Variants in GIPR observed in about 807,000 individuals in gnomAD.
The protein encoded by GIPR is gastric inhibitory polypeptide receptor.
GIPR carries 74 observed loss-of-function variants against 62.2 expected under a neutral mutation model. The ratio of observed to expected loss-of-function variants is 1.19; its 90% confidence interval spans 0.99 to 1.44. The LOEUF (loss-of-function observed/expected upper bound fraction) is 1.44. Ranked by LOEUF, GIPR falls within the 40% of genes most tolerant of loss-of-function variation. The pLI, the probability that GIPR is intolerant of heterozygous loss-of-function variation, is 0.00. For synonymous variants in GIPR, 256 were observed against 262.2 expected, an observed-to-expected ratio of 0.98 and a Z score of 0.23; for missense variants, 664 against 611.8, an observed-to-expected ratio of 1.09 and a Z score of -0.90.
rs10469294 is a variant in GIPR at position 45,682,424 on chromosome 19, T to C, written c.*489T>C. The C allele has an allele frequency of 0.058, 9,162 of 156,992 alleles. 949 individuals are homozygous for C. The highest frequency in any genetic ancestry group is 0.21 in the African/African-American group (8,717 of 41,538). The allele number at this position is 156,992 out of a possible 1,614,324, so 9.7% of individuals were successfully genotyped here. A position where few individuals can be genotyped will look rare whatever the true frequency, so the allele number is the denominator to read the frequency against. On this transcript the variant is annotated 3_prime_UTR_variant, in exon 14 of 14. Coordinates refer to ENST00000590918, the MANE Select transcript of GIPR (RefSeq NM_000164.4). ...CATTGGAGATTCTTAGGAGTGTCTC[T>C]TGGGGGTAATATTTTATTTTTTAAA...
rs757704281 is a variant in GIPR, at chr19:45,678,158, G to A, written c.1084G>A (p.Glu362Lys). ...CGAGGTGGTGTTTGCTCCCGTGACA[G>A]AGGAACAGGCCCGGGGCGCCCTGCG... ...VHEVVFAPVT[E>K]EQARGALRFA... The change falls in exon 12 of 14, where the codon GAG becomes AAG. Residue 362 changes from glutamate (E) to lysine (K), a missense_variant. By Grantham distance (56) the Glu-to-Lys change is moderately conservative. Transcript: ENST00000590918. The A allele has an allele frequency of 7.5e-6, 12 of 1,608,872 alleles. No individual in the cohort carries two copies. In the African/African-American group the frequency reaches 1.1e-4, roughly 14 times the overall value.
In GIPR at chr19:45,677,995, G is replaced by T; in HGVS notation, c.1013+1G>T. On this transcript the variant is annotated splice_donor_variant, in intron 11 of 13. Transcript: ENST00000590918. LOFTEE classifies it high-confidence loss of function. ...TGCGCTGCCGGGATTACCGGCTGAG[G>T]TGAGGGCATGCGTTGGGGACCGAGG... 1.2e-6 allele frequency: 2 copies of T among 1,613,592 alleles called. No individual in the cohort carries two copies. Among genetic ancestry groups the T allele is most frequent in the Non-Finnish European group, 1.7e-6 (2 of 1,180,028 alleles).
At position 45,677,348 on chromosome 19, in the gene GIPR, C is replaced by G. The variant is rs1600307906; in HGVS notation, c.819C>G (p.Pro273=). The G allele has an allele frequency of 6.2e-7, 1 of 1,601,618 alleles. No individual in the cohort carries two copies. The highest frequency in any genetic ancestry group is 2.2e-5 in the East Asian group (1 of 44,670). The part of the protein sequence containing the change: ...GWGAPALFVI[P]WVIVRYLYEN... ...GGGCCCCCGCGCTTTTCGTCATTCC[C>G]TGGGTGATCGTCAGGTACCTGTACG... Residue 273 remains proline, a synonymous_variant, in exon 9 of 14, where the codon CCC becomes CCG. Coordinates refer to ENST00000590918, the MANE Select transcript of GIPR (RefSeq NM_000164.4).
In GIPR at chr19:45,677,010, C is replaced by G; in HGVS notation, c.695C>G (p.Thr232Arg). The G allele has an allele frequency of 6.2e-7, 1 of 1,613,976 alleles. No individual in the cohort carries two copies. The highest frequency in any genetic ancestry group is 8.5e-7 in the Non-Finnish European group (1 of 1,179,880). The change falls in exon 8 of 14, where the codon ACG (threonine) becomes AGG (arginine). Residue 232 changes from threonine (T) to arginine (R), a missense_variant. By Grantham distance (71) the Thr-to-Arg change is moderately conservative (BLOSUM62 -1). Transcript: ENST00000590918. ...CAGTACTGCGTGGGTGCCAACTACACGTGGCTGCTGGTGGAGGGCGTCTAC... is the reference window on the plus strand; with the variant it reads ...CAGTACTGCGTGGGTGCCAACTACAGGTGGCTGCTGGTGGAGGGCGTCTAC... ...VTQYCVGANY[T>R]WLLVEGVYLH...
Position 45,674,811 on chromosome 19 carries a change from T to C in GIPR, c.618T>C (p.Leu206=). ...GCCCCTACCTTGGGGACCAGGCCCT[T>C]GCGCTGTGGAACCAGGTGGGCATCC... ...RPGPYLGDQA[L]ALWNQALAAC... is the part of the protein sequence containing the mutation. The change falls in exon 7 of 14, where the codon CTT becomes CTC. Residue 206 remains leucine (L), a synonymous_variant. Coordinates refer to ENST00000590918, the MANE Select transcript of GIPR (RefSeq NM_000164.4). 1 of 1,613,888 alleles carries C rather than the reference T, an allele frequency of 6.2e-7. No individual in the cohort carries two copies.
rs536801405 is a variant in GIPR, at chr19:45,677,065, C to A, written c.750C>A (p.Gly250=). The change falls in exon 8 of 14, where the codon GGC becomes GGA. Residue 250 remains glycine (G), a synonymous_variant. Transcript: ENST00000590918. ...ACAGTCTCCTGGTGCTCGTGGGAGG[C>A]TCCGAGGAGGGCCACTTCCGCTACT... ...YLHSLLVLVG[G]SEEGHFRYYL... is the part of the protein sequence containing the mutation. 7.4e-6 allele frequency: 12 copies of A among 1,614,026 alleles called. No individual in the cohort carries two copies. In the African/African-American group the frequency reaches 1.5e-4, roughly 20 times the overall value.
At chr19:45,679,282 C>T (rs888141771) in intron 12 of GIPR, among the ~76,000 whole-genome samples, 1 of 151,982 alleles carries the variant, frequency 6.6e-6, no homozygotes, top group Non-Finnish European at 1.5e-5. Context: ...GAGTTCAAGA[C>T]CAGCCTGACC....
intron 9 of GIPR, 46 bp from the exon 10 acceptor site, chr19:45,677,664 G>GCACC: frequency 6.9e-7 from 1 of 1,442,242 alleles, no homozygotes; most frequent in Middle Eastern, 1.8e-4. Context: ...GGTGATCGGT[G>GCACC]AGTCTAGAGT....
Position 45,671,392 on chromosome 19 carries a change from G to A in GIPR, c.280G>A (p.Val94Met), listed in dbSNP as rs1439493776. ...CTGGTACCTGCCCTGGCACCACCAT[G>A]GTGAGGTGCTCCCTGGGCCCGGAGC... ...CPWYLPWHHH[V>M]AAGFVLRQCG... is the part of the protein sequence containing the mutation. The change falls in exon 4 of 14, where the codon GTG (valine) becomes ATG (methionine). Residue 94 changes from valine to methionine, a missense_variant and splice_region_variant. Transcript: ENST00000590918. 6.3e-7 allele frequency: 1 copy of A among 1,590,076 alleles called. No homozygotes were observed. The highest frequency in any genetic ancestry group is 8.6e-7 in the Non-Finnish European group (1 of 1,161,624).
rs1402705744 is a variant in GIPR at position 45,683,479 on chromosome 19, AC to A, written c.*1547del. On this transcript the variant is annotated 3_prime_UTR_variant, in exon 14 of 14. Coordinates refer to ENST00000590918, the MANE Select transcript of GIPR (RefSeq NM_000164.4). ...TTGTGGCTGGACCACCTGTACATACACCCACAAGACCCTCACCCCTAAATCC... is the reference window on the plus strand; with the variant it reads ...TTGTGGCTGGACCACCTGTACATACACCACAAGACCCTCACCCCTAAATCC... 1 of 152,104 alleles carries A rather than the reference AC, an allele frequency of 6.6e-6. No homozygotes were observed. The highest frequency in any genetic ancestry group is 1.5e-5 in the Non-Finnish European group (1 of 68,068). 9.4% of individuals were successfully genotyped at this position (152,104 alleles called of 1,614,324 possible). A position where few individuals can be genotyped will look rare whatever the true frequency, so the allele number is the denominator to read the frequency against.
chr19:45,678,250 T>G (rs1322174116), intron 12 of GIPR, 24 bp downstream of exon 12: 2 of 1,546,746 alleles, frequency 1.3e-6, no homozygotes, highest in South Asian at 2.4e-5. Flanking sequence ...GTGCAGGGGC[T>G]CCATCCTTCC....
At chr19:45,671,219 C>A in intron 3 of GIPR, 66 bp from the exon 4 acceptor site, 1 of 910,572 alleles carries the variant, frequency 1.1e-6, no homozygotes, top group Non-Finnish European at 1.8e-6. Context: ...TGGCCCACTG[C>A]GCAGTAGCAC....
chr19:45,677,369 G>T lies in GIPR; in HGVS notation c.840G>T (p.Leu280=), dbSNP rs1214129609. The part of the protein sequence containing the change: ...FVIPWVIVRY[L]YENTQCWERN... Reference sequence around the variant, plus strand: ...TTCCCTGGGTGATCGTCAGGTACCTGTACGAGAACACGCAGTGAGTTGCAG... The same window carrying T: ...TTCCCTGGGTGATCGTCAGGTACCTTTACGAGAACACGCAGTGAGTTGCAG... The change falls in exon 9 of 14, where the codon CTG becomes CTT. Residue 280 remains leucine, a synonymous_variant. Coordinates refer to ENST00000590918, the MANE Select transcript of GIPR (RefSeq NM_000164.4). The T allele has an allele frequency of 6.3e-7, 1 of 1,597,138 alleles. No homozygotes were observed. Among genetic ancestry groups the T allele is most frequent in the Admixed American group, 1.7e-5 (1 of 59,732 alleles).
intron 6 of GIPR, 103 bp from the exon 7 acceptor site, chr19:45,674,579 C>T: frequency 9.6e-7 from 1 of 1,039,508 alleles, no homozygotes; most frequent in Admixed American, 1.8e-5. Flanking sequence ...TGCATTCTAG[C>T]CTGGGTGACA....
chr19:45,680,115 G>A lies in GIPR; in HGVS notation c.1153-1489G>A, dbSNP rs562667312. Among the ~76,000 whole-genome samples, 9 of 152,270 alleles carry A rather than the reference G, an allele frequency of 5.9e-5. No homozygotes were observed. The South Asian group carries it at 6.2e-4, about 11-fold the overall frequency. ...AAATAAAAAATTAGCTGCCGGGCGC[G>A]GTGCCTCATGTCTGTAATCTCAGCA... On this transcript the variant is annotated intron_variant, in intron 12 of 13. Transcript: ENST00000590918.
At chr19:45,674,598 C>T (rs1975732731) in intron 6 of GIPR, 84 bp from the exon 7 acceptor site, 2 of 1,261,344 alleles carry the variant, frequency 1.6e-6, no homozygotes, top group African/African-American at 1.5e-5. Context: ...CAGAGTGAGA[C>T]CCTGTTTAAA....
chr19:45,681,499 A>AAAACAAAC lies in GIPR; in HGVS notation c.1153-85_1153-78dup, dbSNP rs149092660. ...AACAAGAGCAATATTCCGACTCTTA[A>AAAACAAAC]AAACAAACAAACAAACAAACAAACA... On this transcript the variant is annotated intron_variant, in intron 12 of 13. Coordinates refer to ENST00000590918, the MANE Select transcript of GIPR (RefSeq NM_000164.4). The AAAACAAAC allele has an allele frequency of 6.4e-4, 630 of 987,396 alleles. 8 individuals are homozygous for AAAACAAAC. Among genetic ancestry groups the AAAACAAAC allele is most frequent in the South Asian group, 4.5e-3 (340 of 74,810 alleles). The allele number at this position is 987,396 out of a possible 1,614,324, so 61.2% of individuals were successfully genotyped here.
rs550229588 is a variant in GIPR, at chr19:45,678,038, A to G, written c.1013+44A>G. On this transcript the variant is annotated intron_variant, in intron 11 of 13. Coordinates refer to ENST00000590918, the MANE Select transcript of GIPR (RefSeq NM_000164.4). ...GACCGAGGGGAAGGGGCCGGGTGCG[A>G]GATGGGGAACCAGGGCTGCGGGATC... 3.1e-6 allele frequency: 5 copies of G among 1,611,928 alleles called. No individual in the cohort carries two copies. The African/African-American group carries it at 6.7e-5, about 21-fold the overall frequency.
Position 45,674,824 on chromosome 19 carries a change from CA to C in GIPR, c.632del (p.Gln211ArgfsTer12). The C allele has an allele frequency of 1.9e-6, 3 of 1,613,906 alleles. No individual in the cohort carries two copies. Among genetic ancestry groups the C allele is most frequent in the South Asian group, 2.2e-5 (2 of 91,076 alleles). On this transcript the variant is annotated frameshift_variant and splice_region_variant, in exon 7 of 14. Transcript: ENST00000590918. LOFTEE classifies it high-confidence loss of function. ...GGACCAGGCCCTTGCGCTGTGGAACCAGGTGGGCATCCTCCTTCCGTTCCTC... is the reference window on the plus strand; with the variant it reads ...GGACCAGGCCCTTGCGCTGTGGAACCGGTGGGCATCCTCCTTCCGTTCCTC... ...LGDQALALWNQALAACRTAQI... is the reference protein window; with the variant it reads ...LGDQALALWNXALAACRTAQI...
Sources: allele counts gnomAD v4.1 joint callset (sites outside exome capture counted in the v4.1 genomes callset), GRCh38; gene constraint gnomAD v4.1.1; transcripts MANE v1.5; gene names NCBI Gene and HGNC (gene_info 2026-07-23, HGNC 2026-07-21).